Variants in WDR35 observed in about 807,000 individuals in gnomAD.
The protein encoded by WDR35 is WD repeat domain 35.
A neutral mutation model predicts 158.3 loss-of-function variants in WDR35; 118 were observed. The ratio of observed to expected loss-of-function variants is 0.75; its 90% CI spans 0.64 to 0.87. The LOEUF (loss-of-function observed/expected upper bound fraction) is 0.87. Ranked by LOEUF, WDR35 falls within the 40% of genes least tolerant of loss-of-function variation. WDR35 has a pLI of 0.00. For missense variants in WDR35, 1,263 were observed against 1,405.8 expected (o/e 0.90, Z 1.62); for synonymous variants, 448 against 476.1 (o/e 0.94, Z 0.77).
chr2:19,988,393 G>A (rs1054273740), intron 2 of WDR35, among the ~76,000 whole-genome samples: 1 of 152,176 alleles, frequency 6.6e-6, no homozygotes, highest in Non-Finnish European at 1.5e-5. Flanking sequence ...TCTATTGTGT[G>A]GGGGTAGAGC....
chr2:19,945,716 GGGGAATCATCCA>G, intron 16 of WDR35, 58 bp downstream of exon 16: 1 of 1,558,188 alleles, frequency 6.4e-7, no homozygotes, highest in Admixed American at 1.7e-5. Context: ...AAGAAACAAA[GGGGAATCATCCA>G]GGTTTTTATA....
intron 25 of WDR35, among the ~76,000 whole-genome samples, chr2:19,923,466 T>G (rs186284422): frequency 6.6e-6 from 1 of 152,176 alleles, no homozygotes; most frequent in Non-Finnish European, 1.5e-5. Flanking sequence ...ACACTGATGA[T>G]GAGGAGGAAG....
chr2:19,936,185 T>C lies in WDR35; in HGVS notation c.2414+34A>G, dbSNP rs1322975814. ...ACTCAGGCAGCTACTAAGTGTTGCA[T>C]GAATGCTTGAGGAGCTCCAGGTAAG... On this transcript the variant is annotated intron_variant, in intron 20 of 26. Transcript: ENST00000281405. 4 of 1,613,568 alleles carry C rather than the reference T, an allele frequency of 2.5e-6. No individual in the cohort carries two copies. In the Admixed American group the frequency reaches 5.0e-5, roughly 20 times the overall value.
rs75098937 is a variant in WDR35 at position 19,938,086 on chromosome 2, A to C, written c.2064-140T>G. The C allele has an allele frequency of 1.8e-3, 2,442 of 1,373,370 alleles. 34 individuals are homozygous for C. The African/African-American group carries it at 0.03, about 17-fold the overall frequency. 85.1% of individuals were successfully genotyped at this position (1,373,370 alleles called of 1,614,324 possible). Reference sequence around the variant, plus strand: ...AAAGTAACATATGCAAACATTTTTCAAATAATTTTCTGCTTATTTTGAGGA... The same window carrying C: ...AAAGTAACATATGCAAACATTTTTCCAATAATTTTCTGCTTATTTTGAGGA... On this transcript the variant is annotated intron_variant, in intron 18 of 26. Coordinates refer to ENST00000281405, the MANE Select transcript of WDR35 (RefSeq NM_020779.4).
At chr2:19,936,701 G>T (rs964717517) in intron 19 of WDR35, among the ~76,000 whole-genome samples, 3 of 152,060 alleles carry the variant, frequency 2.0e-5, no homozygotes, top group Non-Finnish European at 4.4e-5. Flanking sequence ...TGCCCCTTTT[G>T]CCCTTTTCAC....
At position 19,941,831 on chromosome 2, in the gene WDR35, A is replaced by C. The variant is rs767714993; in HGVS notation, c.1854T>G (p.Ile618Met). 27 of 1,572,402 alleles carry C rather than the reference A, an allele frequency of 1.7e-5. No individual in the cohort carries two copies. Among genetic ancestry groups the C allele is most frequent in the Non-Finnish European group, 2.3e-5 (27 of 1,151,594 alleles). ...VFRNLDPEEPIQTSGYICNFE... is the reference protein window; with the variant it reads ...VFRNLDPEEPMQTSGYICNFE... ...AATTACAAATATATCCAGAGGTCTG[A>C]ATGGGTTCCTTTAAAGACAAAAAAA... is the stretch of plus-strand genomic sequence containing the variant. Residue 618 changes from isoleucine to methionine, a missense_variant, in exon 17 of 27, where the codon ATT (isoleucine) becomes ATG (methionine). Physicochemically the swap from Ile to Met is conservative, Grantham distance 10. Transcript: ENST00000281405.
At chr2:19,979,794 C>T (rs1179706319) in intron 4 of WDR35, among the ~76,000 whole-genome samples, 1 of 151,934 alleles carries the variant, frequency 6.6e-6, no homozygotes, top group Non-Finnish European at 1.5e-5. Flanking sequence ...CACACACACA[C>T]ACACACACAC....
intron 2 of WDR35, 89 bp from the exon 3 acceptor site, chr2:19,982,623 T>G: frequency 7.3e-7 from 1 of 1,372,860 alleles, no homozygotes; most frequent in Non-Finnish European, 1.0e-6. Context: ...CTGGGCAGTA[T>G]TAATCATTTT....
chr2:19,966,944 T>C (rs775978788), intron 9 of WDR35, 35 bp from the exon 10 acceptor site: 11 of 1,593,406 alleles, frequency 6.9e-6, no homozygotes, highest in South Asian at 1.1e-5. Flanking sequence ...GGAAGGAGAT[T>C]GAAAGGGAGA....
intron 11 of WDR35, among the ~76,000 whole-genome samples, chr2:19,956,802 G>A (rs1362110982): frequency 4.6e-5 from 7 of 151,872 alleles, no homozygotes; most frequent in Non-Finnish European, 5.9e-5. Context: ...TGTATTTTTA[G>A]TAGAGACGGG....
chr2:19,936,146 C>G, intron 20 of WDR35, 73 bp downstream of exon 20: 1 of 1,602,316 alleles, frequency 6.2e-7, no homozygotes, highest in Non-Finnish European at 8.5e-7. Flanking sequence ...CCCAGGATTA[C>G]TTCCTAGAGA....
rs1214702737 is a variant in WDR35, at chr2:19,966,713, G to A, written c.1194+11C>T. ...GCCCAGCTATGTCTTAAGATATCAA[G>A]AAACACCTACCTGAGGATGATTTTC... On this transcript the variant is annotated intron_variant, in intron 10 of 26. Transcript: ENST00000281405. The A allele has an allele frequency of 3.1e-6, 5 of 1,613,096 alleles. No homozygotes were observed. The African/African-American group carries it at 4.0e-5, about 13-fold the overall frequency.
chr2:19,930,525 C>T lies in WDR35; in HGVS notation c.2992G>A (p.Glu998Lys), dbSNP rs1221415525. The part of the protein sequence containing the change: ...EATSALAGLL[E>K]EEVLSTTDRF... ...TCTGTTGTAGACAGAACTTCTTCTT[C>T]CAGCAAACCAGCCAAGGCAGAAGTG... Residue 998 changes from glutamate (E) to lysine (K), a missense_variant, in exon 25 of 27, where the codon GAA becomes AAA. By Grantham distance (56) the Glu-to-Lys change is moderately conservative (BLOSUM62 1). Coordinates refer to ENST00000281405, the MANE Select transcript of WDR35 (RefSeq NM_020779.4). 1.2e-6 allele frequency: 2 copies of T among 1,614,020 alleles called. No homozygotes were observed. Among genetic ancestry groups the T allele is most frequent in the Non-Finnish European group, 1.7e-6 (2 of 1,180,040 alleles).
At chr2:19,942,548 A>AT (rs71990395) in intron 16 of WDR35, among the ~76,000 whole-genome samples, 16,864 of 150,762 alleles carry the variant, frequency 0.11, 1,034 homozygotes, top group South Asian at 0.2. Context: ...ATCATTAGAA[A>AT]TTTTTTTTTT....
rs2103405348 is a variant in WDR35, at chr2:19,937,833, A to T, written c.2177T>A (p.Leu726Gln). The T allele has an allele frequency of 6.2e-7, 1 of 1,614,148 alleles. No individual in the cohort carries two copies. Among genetic ancestry groups the T allele is most frequent in the East Asian group, 2.2e-5 (1 of 44,872 alleles). ...GIKFVKRLGK[L>Q]LSESMKQAEV... ...AGCCTGTTTCATTGACTCACTCAGT[A>T]GTTTGCCCAAGCGCTTCACAAACTT... is the stretch of plus-strand genomic sequence containing the variant. The change falls in exon 19 of 27, where the codon CTA becomes CAA. Residue 726 changes from leucine (L) to glutamine (Q), a missense_variant. By Grantham distance (113) the Leu-to-Gln change is moderately radical (BLOSUM62 -2). Coordinates refer to ENST00000281405, the MANE Select transcript of WDR35 (RefSeq NM_020779.4).
At chr2:19,946,382 T>C (rs769590967) in intron 15 of WDR35, 79 bp downstream of exon 15, 171 of 1,210,082 alleles carry the variant, frequency 1.4e-4, no homozygotes, top group Non-Finnish European at 2.1e-4. Flanking sequence ...CATCTTTACA[T>C]TTATTACATA....
Position 19,989,172 on chromosome 2 carries a change from C to T in WDR35, c.135G>A (p.Thr45=), listed in dbSNP as rs773319707. Reference sequence around the variant, plus strand: ...GGGCTTGCATTCATTTACCTGTCTGCGTCTCTAATTTCAAAACTTTCAGTA... The same window carrying T: ...GGGCTTGCATTCATTTACCTGTCTGTGTCTCTAATTTCAAAACTTTCAGTA... ...DGLLKVLKLE[T]QTDDAKLRGL... is the part of the protein sequence containing the mutation. The change falls in exon 2 of 27, where the codon ACG becomes ACA. Residue 45 remains threonine, a synonymous_variant. Coordinates refer to ENST00000281405, the MANE Select transcript of WDR35 (RefSeq NM_020779.4). 9.3e-6 allele frequency: 15 copies of T among 1,613,860 alleles called. No individual in the cohort carries two copies. Among genetic ancestry groups the T allele is most frequent in the Non-Finnish European group, 1.1e-5 (13 of 1,179,854 alleles).
intron 12 of WDR35, 56 bp downstream of exon 12, chr2:19,953,778 T>C: frequency 6.2e-7 from 1 of 1,609,260 alleles, no homozygotes; most frequent in Non-Finnish European, 8.5e-7. Context: ...AATTACTATG[T>C]CTGACTTCAA....
In WDR35 at chr2:19,911,656, G is replaced by A. The variant is rs1019339329; in HGVS notation, c.*1902C>T. The A allele has an allele frequency of 6.6e-6, 1 of 152,188 alleles. No homozygotes were observed. The highest frequency in any genetic ancestry group is 1.5e-5 in the Non-Finnish European group (1 of 68,030). The allele number at this position is 152,188 out of a possible 1,614,324, so 9.4% of individuals were successfully genotyped here. The stretch of plus-strand genomic sequence containing the variant: ...GTTAGTAACCTAGGAGACTTATTAG[G>A]CAAAGTTAATAGAGCGTGTATGTGT... On this transcript the variant is annotated 3_prime_UTR_variant, in exon 27 of 27. Transcript: ENST00000281405.
Sources: allele counts gnomAD v4.1 joint callset (sites outside exome capture counted in the v4.1 genomes callset), GRCh38; gene constraint gnomAD v4.1.1; transcripts MANE v1.5; gene names NCBI Gene and HGNC (gene_info 2026-07-23, HGNC 2026-07-21).